SMTN: variants seen among roughly 807,000 people sequenced by gnomAD.
SMTN encodes the protein smoothelin.
A neutral mutation model predicts 102.0 loss-of-function variants in SMTN; 58 were observed. The ratio of observed to expected loss-of-function variants is 0.57; its 90% confidence interval spans 0.46 to 0.71. The LOEUF is 0.71. Among genes scored for constraint, SMTN ranks in the 30% least tolerant of loss-of-function variants. SMTN has a pLI of 0.00. For synonymous variants in SMTN, 478 were observed against 497.9 expected (o/e 0.96, Z 0.53); for missense variants, 1,185 against 1,241.7 (o/e 0.95, Z 0.69).
chr22:31,064,300 T>A (rs528194369), intron 1 of SMTN: 1 of 152,310 alleles, frequency 6.6e-6, no homozygotes, highest in African/African-American at 2.4e-5. Context: ...AATTTCTAGC[T>A]GTGCAACTGT....
At chr22:31,072,131 G>A (rs1385461401) in intron 1 of SMTN, among the ~76,000 whole-genome samples, 1 of 152,172 alleles carries the variant, frequency 6.6e-6, no homozygotes, top group Non-Finnish European at 1.5e-5. Context: ...ATCAGAGATA[G>A]CATCATTTCT....
chr22:31,071,833 C>T (rs1200123207), intron 1 of SMTN, among the ~76,000 whole-genome samples: 2 of 151,278 alleles, frequency 1.3e-5, no homozygotes, highest in East Asian at 3.9e-4. Flanking sequence ...GTGGCTGGGA[C>T]TATAGGTGCA....
intron 1 of SMTN, chr22:31,082,436 A>G: frequency 2.2e-6 from 1 of 453,718 alleles, no homozygotes; most frequent in Non-Finnish European, 4.6e-6. Context: ...GAAGATTTTG[A>G]TTACATCCTT....
chr22:31,096,075 T>C, intron 13 of SMTN: 1 of 191,340 alleles, frequency 5.2e-6, no homozygotes, highest in Admixed American at 5.3e-5. Context: ...CATCTATTCA[T>C]TCCCTTAGAT....
At chr22:31,075,552 G>A (rs5997866) in intron 1 of SMTN, among the ~76,000 whole-genome samples, 22,607 of 151,984 alleles carry the variant, frequency 0.15, 1,771 homozygotes, top group Middle Eastern at 0.18. Flanking sequence ...GTGGTGACGG[G>A]CCCTTGTAAT....
chr22:31,076,311 C>T (rs1242561285), intron 1 of SMTN, among the ~76,000 whole-genome samples: 2 of 152,214 alleles, frequency 1.3e-5, no homozygotes, highest in South Asian at 2.1e-4. Context: ...TTGGACACTG[C>T]GTGCCTTCAG....
In SMTN at chr22:31,096,883, G is replaced by A. The variant is rs749281740; in HGVS notation, c.2012G>A (p.Arg671Gln). 6.9e-6 allele frequency: 11 copies of A among 1,588,888 alleles called. No homozygotes were observed. The East Asian group carries it at 2.0e-4, about 29-fold the overall frequency. ...SAVSTVTKTE[R>Q]LVHSNDGTRT... ...GTCAGCACTGTTACCAAGACTGAGCGGCTCGTCCACTCCAGTAAGGGGCCA... is the reference window on the plus strand; with the variant it reads ...GTCAGCACTGTTACCAAGACTGAGCAGCTCGTCCACTCCAGTAAGGGGCCA... Residue 671 changes from arginine to glutamine, a missense_variant, in exon 14 of 21, where the codon CGG becomes CAG. Physicochemically the swap from Arg to Gln is conservative, Grantham distance 43. Transcript: ENST00000333137.
At chr22:31,070,703 C>T (rs960888802) in intron 1 of SMTN, among the ~76,000 whole-genome samples, 1 of 151,820 alleles carries the variant, frequency 6.6e-6, no homozygotes, top group Non-Finnish European at 1.5e-5. Flanking sequence ...GTGGGTGGAT[C>T]ACTTGAGGTC....
Position 31,104,604 on chromosome 22 carries a change from T to C in SMTN, c.*309T>C, listed in dbSNP as rs2044349624. ...CCCACATACACACGCAGCGTTTTGA[T>C]AAATTATTGGTTTTCAACGATCCTG... On this transcript the variant is annotated 3_prime_UTR_variant, in exon 21 of 21. Transcript: ENST00000333137. The C allele has an allele frequency of 2.2e-6, 2 of 891,800 alleles. No homozygotes were observed. The highest frequency in any genetic ancestry group is 1.7e-5 in the African/African-American group (1 of 60,336). 55.2% of individuals were successfully genotyped at this position (891,800 alleles called of 1,614,324 possible). A position where few individuals can be genotyped will look rare whatever the true frequency, so the allele number is the denominator to read the frequency against.
At chr22:31,092,541 C>T (rs1468088327) in intron 11 of SMTN, 2 of 471,140 alleles carry the variant, frequency 4.2e-6, no homozygotes, top group African/African-American at 4.0e-5. Flanking sequence ...GTAATGCCCT[C>T]TGTGCTAAAC....
In SMTN at chr22:31,104,482, G is replaced by T. The variant is rs1438321337; in HGVS notation, c.*187G>T. The T allele has an allele frequency of 1.2e-6, 2 of 1,609,846 alleles. No individual in the cohort carries two copies. Among genetic ancestry groups the T allele is most frequent in the Non-Finnish European group, 8.5e-7 (1 of 1,179,450 alleles). ...GAATGTCTAGCCTGCCCGCCCGCAT[G>T]GCCAGCCAGTGGCAAGCTGCCGCCC... On this transcript the variant is annotated 3_prime_UTR_variant, in exon 21 of 21. Coordinates refer to ENST00000333137, the MANE Select transcript of SMTN (RefSeq NM_134269.3).
rs951110693 is a variant in SMTN at position 31,088,102 on chromosome 22, G to T, written c.189G>T (p.Glu63Asp). ...GTGCCGAGCGGCAGGACAACAAGGA[G>T]AACTGGCTGCAGTGAGTAGCGGGGG... ...RFRAERQDNK[E>D]NWLHSQQREA... Residue 63 changes from glutamate (E) to aspartate (D), a missense_variant, in exon 3 of 21, where the codon GAG becomes GAT. Transcript: ENST00000333137. The T allele has an allele frequency of 1.2e-6, 2 of 1,602,482 alleles. No homozygotes were observed. Among genetic ancestry groups the T allele is most frequent in the Non-Finnish European group, 1.7e-6 (2 of 1,172,238 alleles).
chr22:31,097,084 G>GTGCC (rs749359617), intron 15 of SMTN, 24 bp downstream of exon 15: 3 of 1,610,696 alleles, frequency 1.9e-6, no homozygotes, highest in East Asian at 4.5e-5. Context: ...GTGTCGCCCT[G>GTGCC]TGCCTGCCTG....
At chr22:31,101,304 G>A in intron 20 of SMTN, 1 of 445,852 alleles carries the variant, frequency 2.2e-6, no homozygotes, top group Non-Finnish European at 4.1e-6. Flanking sequence ...TGCAGGTCTG[G>A]GCCCCCCATC....
intron 6 of SMTN, among the ~76,000 whole-genome samples, 163 bp downstream of exon 6, chr22:31,089,132 G>A (rs575210502): frequency 5.7e-4 from 87 of 152,188 alleles, no homozygotes; most frequent in Middle Eastern, 3.4e-3. Flanking sequence ...ATGCAAATCC[G>A]GCCCTGGCAC....
upstream of SMTN, among the ~76,000 whole-genome samples, chr22:31,080,010 G>C (rs1471423972): frequency 1.3e-5 from 2 of 152,238 alleles, no homozygotes; most frequent in Non-Finnish European, 2.9e-5. Context: ...TGATCCACCT[G>C]CCTTGGCATC....
chr22:31,101,130 T>C, intron 20 of SMTN, 81 bp downstream of exon 20: 1 of 1,340,922 alleles, frequency 7.5e-7, no homozygotes, highest in Admixed American at 2.3e-5. Flanking sequence ...GGGAGGCGGG[T>C]GGGGGAAGTA....
At position 31,087,924 on chromosome 22, in the gene SMTN, CCCTGGCAGCCAAAATGA is replaced by C. The variant is rs1435750523; in HGVS notation, c.52-36_52-20del. ...TGGGCAGCTGGTGCCAGCCCTCCGC[CCCTGGCAGCCAAAATGA>C]CCTGCCTCTCGCACCCACTGCAGCT... On this transcript the variant is annotated intron_variant, in intron 2 of 20. Transcript: ENST00000333137. The C allele has an allele frequency of 7.8e-6, 12 of 1,541,326 alleles. No homozygotes were observed. In the Admixed American group the frequency reaches 9.6e-5, roughly 12 times the overall value.
Position 31,091,834 on chromosome 22 carries a change from G to C in SMTN, c.1619G>C (p.Gly540Ala). Reference protein sequence around the residue: ...FSHAPPSSRGGCSIKMEAEPA... With the variant: ...FSHAPPSSRGACSIKMEAEPA... ...CATGCCCCCCCCAGTAGCCGAGGAG[G>C]CTGCAGCATCAAGGTGAGCCCCTCC... Residue 540 changes from glycine (G) to alanine (A), a missense_variant, in exon 11 of 21, where the codon GGC becomes GCC. Physicochemically the swap from Gly to Ala is moderately conservative, Grantham distance 60. Coordinates refer to ENST00000333137, the MANE Select transcript of SMTN (RefSeq NM_134269.3). 4 of 1,591,490 alleles carry C rather than the reference G, an allele frequency of 2.5e-6. No homozygotes were observed. The highest frequency in any genetic ancestry group is 3.4e-6 in the Non-Finnish European group (4 of 1,167,614).
Sources: gnomAD v4.1 joint callset for allele counts (sites outside exome capture counted in the v4.1 genomes callset) on GRCh38, gnomAD v4.1.1 for gene constraint, MANE v1.5 for transcripts, NCBI Gene and HGNC (gene_info 2026-07-23, HGNC 2026-07-21) for gene names.